Variants in ASTN2 observed in about 807,000 individuals in gnomAD.
The protein encoded by ASTN2 is astrotactin 2.
ASTN2 carries 54 observed loss-of-function variants against 139.8 expected under a neutral mutation model. The ratio of observed to expected loss-of-function variants is 0.39; its 90% confidence interval spans 0.31 to 0.48. The LOEUF (loss-of-function observed/expected upper bound fraction) is 0.48. Among genes scored for constraint, ASTN2 ranks in the 20% least tolerant of loss-of-function variants. The pLI, the probability that ASTN2 is intolerant of heterozygous loss-of-function variation, is 0.95. For missense variants in ASTN2, 1,565 were observed against 1,725.1 expected (o/e 0.91, Z 1.64); for synonymous variants, 756 against 719.5 (o/e 1.05, Z -0.81).
intron 3 of ASTN2, among the ~76,000 whole-genome samples, chr9:117,207,058 CT>C (rs1256937827): frequency 6.6e-6 from 1 of 152,158 alleles, no homozygotes; most frequent in Non-Finnish European, 1.5e-5. Flanking sequence ...TCAGCCACTC[CT>C]TGTGGACATT....
intron 2 of ASTN2, among the ~76,000 whole-genome samples, chr9:117,243,162 T>A (rs1833265867): frequency 6.6e-6 from 1 of 152,224 alleles, no homozygotes; most frequent in African/African-American, 2.4e-5. Context: ...TGGACAAAGT[T>A]GCATAGCTAA....
intron 3 of ASTN2, among the ~76,000 whole-genome samples, chr9:117,190,806 T>G (rs1480436033): frequency 6.6e-6 from 1 of 152,174 alleles, no homozygotes; most frequent in African/African-American, 2.4e-5. Context: ...CTTTGTTTTC[T>G]TTCTCCCCCA....
chr9:117,303,012 G>A (rs1262917478), intron 1 of ASTN2, among the ~76,000 whole-genome samples: 7 of 152,052 alleles, frequency 4.6e-5, no homozygotes, highest in African/African-American at 1.7e-4. Flanking sequence ...ATACATGGAT[G>A]TTACCCATCA....
At chr9:117,220,798 A>AAGG (rs1832488927) in intron 2 of ASTN2, among the ~76,000 whole-genome samples, 1 of 152,200 alleles carries the variant, frequency 6.6e-6, no homozygotes, top group African/African-American at 2.4e-5. Context: ...AGTAATTTAA[A>AAGG]TGGAAGCCCC....
intron 16 of ASTN2, among the ~76,000 whole-genome samples, chr9:116,656,227 C>T (rs1858203886): frequency 6.6e-6 from 1 of 152,106 alleles, no homozygotes; most frequent in African/African-American, 2.4e-5. Context: ...ACATACATAA[C>T]CTGTGCTGCC....
intron 19 of ASTN2, among the ~76,000 whole-genome samples, chr9:116,571,615 T>C (rs1162450439): frequency 6.6e-6 from 1 of 152,164 alleles, no homozygotes; most frequent in African/African-American, 2.4e-5. Context: ...ACGGTATGTA[T>C]ATCTTTACAG....
intron 13 of ASTN2, among the ~76,000 whole-genome samples, chr9:116,761,262 G>GGGACA (rs1286052203): frequency 1.3e-5 from 2 of 152,192 alleles, no homozygotes; most frequent in Non-Finnish European, 2.9e-5. Flanking sequence ...ACAGATAAAT[G>GGGACA]AGACATCCCT....
intron 1 of ASTN2, among the ~76,000 whole-genome samples, chr9:117,398,073 A>T (rs186839779): frequency 6.6e-6 from 1 of 152,200 alleles, no homozygotes; most frequent in East Asian, 1.9e-4. Context: ...TTTCTGTTAC[A>T]TATTATGTAT....
intron 1 of ASTN2, among the ~76,000 whole-genome samples, chr9:117,358,865 C>G (rs923316550): frequency 6.6e-6 from 1 of 152,088 alleles, no homozygotes; most frequent in African/African-American, 2.4e-5. Flanking sequence ...TCTATTCATC[C>G]TTGAGAACTT....
intron 1 of ASTN2, among the ~76,000 whole-genome samples, chr9:117,359,857 G>T (rs1403783426): frequency 6.6e-6 from 1 of 152,174 alleles, no homozygotes; most frequent in Non-Finnish European, 1.5e-5. Context: ...TTCCCTGAAA[G>T]TAGGGAAAGA....
intron 16 of ASTN2, among the ~76,000 whole-genome samples, chr9:116,694,981 A>G (rs1860771213): frequency 6.6e-6 from 1 of 152,134 alleles, no homozygotes; most frequent in South Asian, 2.1e-4. Flanking sequence ...AAATCAATCT[A>G]TCCCACTCTA....
rs1837949800 is a variant in ASTN2, at chr9:117,023,358, T to G, written c.1424-15099A>C. 2.6e-5 allele frequency among the ~76,000 whole-genome samples: 4 copies of G among 152,160 alleles called. No homozygotes were observed. In the South Asian group the frequency reaches 8.3e-4, roughly 32 times the overall value. The stretch of plus-strand genomic sequence containing the variant: ...CAAGTCACCCAAATGGTTTTGACTG[T>G]GTTGTTTCCTCTGCCTGGAACACAC... On this transcript the variant is annotated intron_variant, in intron 6 of 22. Coordinates refer to ENST00000313400, the MANE Select transcript of ASTN2 (RefSeq NM_001365068.1).
intron 20 of ASTN2, 112 bp from the exon 21 acceptor site, chr9:116,442,665 TA>T (rs1197429788): frequency 1.2e-5 from 10 of 850,392 alleles, no homozygotes; most frequent in Non-Finnish European, 1.8e-5. Flanking sequence ...AAAATGATTT[TA>T]AAAAAAGAAT....
intron 4 of ASTN2, among the ~76,000 whole-genome samples, chr9:117,127,672 GTTTTTTT>G (rs11427891): frequency 4.2e-5 from 3 of 70,898 alleles, no homozygotes; most frequent in Non-Finnish European, 2.5e-5. Flanking sequence ...TTTTGTTTTG[GTTTTTTT>G]TTTTTTTTTT....
intron 13 of ASTN2, among the ~76,000 whole-genome samples, chr9:116,802,582 C>A (rs1564275477): frequency 6.6e-6 from 1 of 152,290 alleles, no homozygotes; most frequent in Non-Finnish European, 1.5e-5. Context: ...CATGTGGATC[C>A]TTCTTTTGGA....
At chr9:117,036,549 A>C (rs1838389576) in intron 6 of ASTN2, among the ~76,000 whole-genome samples, 1 of 151,954 alleles carries the variant, frequency 6.6e-6, no homozygotes, top group Non-Finnish European at 1.5e-5. Flanking sequence ...CACTCCAATC[A>C]TCTCCTCTAT....
In ASTN2 at chr9:116,453,746, C is replaced by T. The variant is rs190438634; in HGVS notation, c.3498-11193G>A. Among the ~76,000 whole-genome samples the T allele has an allele frequency of 1.3e-3, 194 of 152,180 alleles. 1 individual carries two copies. The highest frequency in any genetic ancestry group is 7.2e-3 in the Admixed American group (110 of 15,288). On this transcript the variant is annotated intron_variant, in intron 20 of 22. Coordinates refer to ENST00000313400, the MANE Select transcript of ASTN2 (RefSeq NM_001365068.1). Reference sequence around the variant, plus strand: ...ACAGTGCATCTTTAAAATCAAATCCCTGCACAAAGGCAATGGTTCTGGAGG... The same window carrying T: ...ACAGTGCATCTTTAAAATCAAATCCTTGCACAAAGGCAATGGTTCTGGAGG...
chr9:117,030,656 AT>A (rs909063512), intron 6 of ASTN2, among the ~76,000 whole-genome samples: 2 of 152,084 alleles, frequency 1.3e-5, no homozygotes, highest in African/African-American at 4.8e-5. Context: ...GCCACTTGTC[AT>A]TTTAACCTGG....
intron 6 of ASTN2, among the ~76,000 whole-genome samples, chr9:117,038,746 G>T (rs1243019808): frequency 3.3e-5 from 5 of 152,164 alleles, no homozygotes; most frequent in African/African-American, 1.2e-4. Flanking sequence ...TGGCATGTGA[G>T]AAGTGTTTGA....
Sources: gnomAD v4.1 joint callset for allele counts (sites outside exome capture counted in the v4.1 genomes callset) on GRCh38, gnomAD v4.1.1 for gene constraint, MANE v1.5 for transcripts, NCBI Gene and HGNC (gene_info 2026-07-23, HGNC 2026-07-21) for gene names.